Variants in VMP1 observed in about 807,000 individuals in gnomAD.
VMP1 encodes vacuole membrane protein 1.
Under a neutral mutation model 56.0 loss-of-function variants are expected in VMP1, and 11 were observed. The observed-to-expected ratio is 0.20, with a 90% confidence interval of 0.12 to 0.32. The LOEUF (loss-of-function observed/expected upper bound fraction) is 0.32, where lower values mean the gene tolerates loss of function less well. Ranked by LOEUF, VMP1 falls within the 10% of genes least tolerant of loss-of-function variation. VMP1 has a pLI of 1.00. For missense variants in VMP1, 296 were observed against 490.3 expected (o/e 0.60, Z 3.74); for synonymous variants, 149 against 165.0 (o/e 0.90, Z 0.74).
chr17:59,782,463 G>C (rs1051687571), intron 7 of VMP1, among the ~76,000 whole-genome samples: 1 of 152,078 alleles, frequency 6.6e-6, no homozygotes, highest in Non-Finnish European at 1.5e-5. Context: ...AAAAGATACT[G>C]GGTTCTTATT....
intron 7 of VMP1, among the ~76,000 whole-genome samples, chr17:59,790,356 CCT>C (rs905640321): frequency 1.3e-5 from 2 of 152,140 alleles, no homozygotes; most frequent in African/African-American, 4.8e-5. Flanking sequence ...TGCCCCATTC[CCT>C]GACATGGGTC....
At chr17:59,718,184 CTTTTTTTTTTTTT>C (rs971095445) in intron 1 of VMP1, among the ~76,000 whole-genome samples, 17 of 79,286 alleles carry the variant, frequency 2.1e-4, no homozygotes, top group Admixed American at 1.7e-3. Context: ...TCCCTCCCTC[CTTTTTTTTTTTTT>C]TTTTTTTTTT....
At chr17:59,708,227 G>C (rs1309927962) in intron 1 of VMP1, 1 of 152,230 alleles carries the variant, frequency 6.6e-6, no homozygotes, top group East Asian at 1.9e-4. Flanking sequence ...CTAAAGCTCT[G>C]GTGGTACAGG....
intron 1 of VMP1, among the ~76,000 whole-genome samples, chr17:59,713,478 C>A (rs753582668): frequency 6.6e-6 from 1 of 151,682 alleles, no homozygotes; most frequent in Non-Finnish European, 1.5e-5. Flanking sequence ...AATACAAATA[C>A]GGGATAGTAT....
chr17:59,731,529 T>G lies in VMP1; in HGVS notation c.76+7T>G. ...CATAATGGAAATTTCACAGGTAAATTTTGATGGTTTGCAGGGAGGAGTGCT... is the reference window on the plus strand; with the variant it reads ...CATAATGGAAATTTCACAGGTAAATGTTGATGGTTTGCAGGGAGGAGTGCT... On this transcript the variant is annotated splice_region_variant and intron_variant, in intron 2 of 11. Transcript: ENST00000262291. 6.3e-7 allele frequency: 1 copy of G among 1,575,864 alleles called. No homozygotes were observed. The highest frequency in any genetic ancestry group is 8.6e-7 in the Non-Finnish European group (1 of 1,165,498).
chr17:59,774,984 A>G (rs548202655), intron 7 of VMP1, among the ~76,000 whole-genome samples: 1 of 150,826 alleles, frequency 6.6e-6, no homozygotes, highest in South Asian at 2.1e-4. Flanking sequence ...CTCTGTCGCC[A>G]AGGCTGGCGT....
At chr17:59,709,920 G>A (rs1036611670) in intron 1 of VMP1, among the ~76,000 whole-genome samples, 2 of 152,172 alleles carry the variant, frequency 1.3e-5, no homozygotes, top group Admixed American at 6.5e-5. Context: ...TTATTGGGCC[G>A]GGCGCGGTGG....
chr17:59,812,123 G>T (rs2038071686), intron 9 of VMP1, among the ~76,000 whole-genome samples: 1 of 152,040 alleles, frequency 6.6e-6, no homozygotes. Context: ...TATATACACA[G>T]CCCAAAAAAT....
At chr17:59,824,932 A>T (rs2038592943) in intron 10 of VMP1, among the ~76,000 whole-genome samples, 1 of 151,254 alleles carries the variant, frequency 6.6e-6, no homozygotes, top group South Asian at 2.1e-4. Context: ...TAATCCCAGC[A>T]CTTTGGGAGG....
intron 9 of VMP1, among the ~76,000 whole-genome samples, chr17:59,812,169 C>T (rs1435445804): frequency 6.6e-6 from 1 of 152,092 alleles, no homozygotes; most frequent in East Asian, 1.9e-4. Flanking sequence ...TTTTACCAAC[C>T]ACAAGCTGAG....
chr17:59,771,407 G>C (rs1446717652), intron 6 of VMP1, among the ~76,000 whole-genome samples: 5 of 151,944 alleles, frequency 3.3e-5, no homozygotes, highest in Non-Finnish European at 7.4e-5. Flanking sequence ...TTACAGGCAT[G>C]AGCCACTGTA....
At chr17:59,719,234 G>A (rs148954999) in intron 1 of VMP1, among the ~76,000 whole-genome samples, 7 of 152,182 alleles carry the variant, frequency 4.6e-5, no homozygotes, top group African/African-American at 9.6e-5. Context: ...CCAGAGCATC[G>A]CTTGAGCCCA....
chr17:59,832,761 A>ATTTTTTTTTTTTTTTT (rs71145580), intron 10 of VMP1, among the ~76,000 whole-genome samples: 1 of 101,346 alleles, frequency 9.9e-6, no homozygotes, highest in Admixed American at 1.2e-4. Flanking sequence ...GCCTGGCAAT[A>ATTTTTTTTTTTTTTTT]TTTTTTTTTT....
chr17:59,794,410 G>A (rs1568160902), intron 7 of VMP1, among the ~76,000 whole-genome samples: 1 of 149,866 alleles, frequency 6.7e-6, no homozygotes, highest in Non-Finnish European at 1.5e-5. Context: ...AGTAGAGACG[G>A]GGTTTCACCA....
chr17:59,827,113 A>G (rs912774673), intron 10 of VMP1, among the ~76,000 whole-genome samples: 1 of 152,066 alleles, frequency 6.6e-6, no homozygotes, highest in African/African-American at 2.4e-5. Flanking sequence ...GACAGAGATC[A>G]TAACTTTTTT....
chr17:59,764,285 G>A (rs903813483), intron 5 of VMP1, among the ~76,000 whole-genome samples: 2 of 152,076 alleles, frequency 1.3e-5, no homozygotes, highest in East Asian at 1.9e-4. Flanking sequence ...AGTGGTTGCC[G>A]GGGACTAGGA....
intron 1 of VMP1, among the ~76,000 whole-genome samples, chr17:59,722,001 C>T (rs1044927935): frequency 6.6e-6 from 1 of 152,196 alleles, no homozygotes; most frequent in African/African-American, 2.4e-5. Context: ...ATAGTCTTTC[C>T]TCTGTGTCCA....
intron 8 of VMP1, among the ~76,000 whole-genome samples, chr17:59,811,468 T>A (rs1420440773): frequency 6.6e-6 from 1 of 152,204 alleles, no homozygotes; most frequent in Non-Finnish European, 1.5e-5. Flanking sequence ...ATTGAACACC[T>A]AAGGTGAATA....
intron 5 of VMP1, among the ~76,000 whole-genome samples, chr17:59,739,473 C>T (rs1008398735): frequency 9.2e-5 from 14 of 151,368 alleles, no homozygotes; most frequent in African/African-American, 3.2e-4. Flanking sequence ...GCCTGTAATC[C>T]CAGCACTTTG....
Sources: allele counts gnomAD v4.1 joint callset (sites outside exome capture counted in the v4.1 genomes callset), GRCh38; gene constraint gnomAD v4.1.1; transcripts MANE v1.5; gene names NCBI Gene and HGNC (gene_info 2026-07-23, HGNC 2026-07-21).